Variants in CACNA1C observed in about 807,000 individuals in gnomAD.
CACNA1C encodes the protein voltage-dependent L-type calcium channel subunit alpha-1C.
Under a neutral mutation model 229.0 loss-of-function variants are expected in CACNA1C, and 30 were observed. The ratio of observed to expected loss-of-function variants is 0.13; its 90% CI spans 0.10 to 0.18. CACNA1C has a LOEUF of 0.18. Ranked by LOEUF, CACNA1C falls within the 10% of genes least tolerant of loss-of-function variation. The pLI, the probability that CACNA1C is intolerant of heterozygous loss-of-function variation, is 1.00. For missense variants in CACNA1C, 1,658 were observed against 2,845.0 expected (o/e 0.58, Z 9.49); for synonymous variants, 1,114 against 1,132.5 (o/e 0.98, Z 0.33).
At position 2,256,393 on chromosome 12, in the gene CACNA1C, G is replaced by A. The variant is rs559642773; in HGVS notation, c.477+135963G>A. Among the ~76,000 whole-genome samples, 36 of 152,286 alleles carry A rather than the reference G, an allele frequency of 2.4e-4. No homozygotes were observed. The East Asian group carries it at 6.9e-3, about 29-fold the overall frequency. On this transcript the variant is annotated intron_variant, in intron 3 of 46. Coordinates refer to ENST00000399655, the MANE Select transcript of CACNA1C (RefSeq NM_000719.7). ...AGTCTAGCCTGTGTCTACGTTGCTA[G>A]AAAAGCCCTTTTTCCCCTTATTCTG...
At chr12:2,604,522 A>G (rs759670941) in intron 22 of CACNA1C, among the ~76,000 whole-genome samples, 2 of 152,180 alleles carry the variant, frequency 1.3e-5, no homozygotes, top group Non-Finnish European at 2.9e-5. Context: ...TTAGTACGGC[A>G]TTCCTTTAAG....
chr12:2,640,668 T>C (rs780721503), intron 30 of CACNA1C, among the ~76,000 whole-genome samples: 4 of 152,172 alleles, frequency 2.6e-5, no homozygotes, highest in Non-Finnish European at 4.4e-5. Context: ...GATCAGCATG[T>C]CGGGATACTG....
At chr12:2,112,205 C>T (rs1382614598) in intron 1 of CACNA1C, among the ~76,000 whole-genome samples, 1 of 152,186 alleles carries the variant, frequency 6.6e-6, no homozygotes, top group Non-Finnish European at 1.5e-5. Flanking sequence ...TAAATGGAGA[C>T]ACGCATGCTT....
At chr12:2,213,781 G>A (rs1163797135) in intron 3 of CACNA1C, among the ~76,000 whole-genome samples, 6 of 152,240 alleles carry the variant, frequency 3.9e-5, no homozygotes, top group Non-Finnish European at 5.9e-5. Flanking sequence ...TTATGGCTCT[G>A]CTTACACATT....
intron 42 of CACNA1C, chr12:2,682,042 CA>C: frequency 6.3e-7 from 1 of 1,592,714 alleles, no homozygotes; most frequent in Non-Finnish European, 8.6e-7. Flanking sequence ...CTCAGGAGAG[CA>C]AACCCCTCTA....
At position 2,115,275 on chromosome 12, in the gene CACNA1C, C is replaced by T. The variant is rs551396698; in HGVS notation, c.101C>T (p.Ala34Val). The T allele has an allele frequency of 3.2e-5, 51 of 1,590,512 alleles. No individual in the cohort carries two copies. The South Asian group carries it at 4.1e-4, about 13-fold the overall frequency. Residue 34 changes from alanine (A) to valine (V), a missense_variant, in exon 2 of 47, where the codon GCG becomes GTG. Ala to Val is a moderately conservative substitution (Grantham distance 64). Transcript: ENST00000399655. Reference protein sequence around the residue: ...RPAHANMNANAAAGLAPEHIP... With the variant: ...RPAHANMNANVAAGLAPEHIP... ...GCCCATGCCAACATGAATGCCAATG[C>T]GGCAGCGGGGCTGGCCCCTGAGCAC...
At chr12:2,135,560 C>T (rs1375707086) in intron 3 of CACNA1C, among the ~76,000 whole-genome samples, 1 of 132,296 alleles carries the variant, frequency 7.6e-6, no homozygotes, top group Non-Finnish European at 1.5e-5. Context: ...GTTGGAGTAC[C>T]CTGCTGTGAG....
At position 2,688,714 on chromosome 12, in the gene CACNA1C, G is replaced by C; in HGVS notation, c.6052G>C (p.Val2018Leu). 6.2e-7 allele frequency: 1 copy of C among 1,607,328 alleles called. No individual in the cohort carries two copies. The highest frequency in any genetic ancestry group is 8.5e-7 in the Non-Finnish European group (1 of 1,176,592). ...GAGAGTCCGGCCCGTCTCCCTCATGGTGCCCAGCCAGGCTGGGGCCCCAGG... is the reference window on the plus strand; with the variant it reads ...GAGAGTCCGGCCCGTCTCCCTCATGCTGCCCAGCCAGGCTGGGGCCCCAGG... The part of the protein sequence containing the change: ...ARRVRPVSLM[V>L]PSQAGAPGRQ... The change falls in exon 46 of 47, where the codon GTG (valine) becomes CTG (leucine). Residue 2018 changes from valine (V) to leucine (L), a missense_variant. Around this residue, in one of 20 missense-constraint regions of CACNA1C, gnomAD observed 590 missense variants for 700.8 expected, o/e 0.84. Coordinates refer to ENST00000399655, the MANE Select transcript of CACNA1C (RefSeq NM_000719.7).
chr12:2,587,127 T>C (rs1181644579), intron 18 of CACNA1C, among the ~76,000 whole-genome samples: 1 of 152,228 alleles, frequency 6.6e-6, no homozygotes, highest in Non-Finnish European at 1.5e-5. Flanking sequence ...TAATATTTTG[T>C]AGTTCTGTTT....
At position 2,584,695 on chromosome 12, in the gene CACNA1C, G is replaced by A. The variant is rs1367397386; in HGVS notation, c.2339+78G>A. On this transcript the variant is annotated intron_variant, in intron 16 of 46. Transcript: ENST00000399655. Reference sequence around the variant, plus strand: ...TGTCTTCCCACTGGTGGCAGAGAGAGGCTTGACTGCTAGCCTCTGTTGGCT... The same window carrying A: ...TGTCTTCCCACTGGTGGCAGAGAGAAGCTTGACTGCTAGCCTCTGTTGGCT... 6 of 974,546 alleles carry A rather than the reference G, an allele frequency of 6.2e-6. No individual in the cohort carries two copies. In the East Asian group the frequency reaches 9.6e-5, roughly 16 times the overall value. 60.4% of individuals were successfully genotyped at this position (974,546 alleles called of 1,614,324 possible).
chr12:2,453,755 C>T (rs1567777070), intron 4 of CACNA1C, among the ~76,000 whole-genome samples: 3 of 152,140 alleles, frequency 2.0e-5, no homozygotes, highest in Non-Finnish European at 4.4e-5. Context: ...CTGTAAGGGC[C>T]GGATGCTGGT....
chr12:2,455,381 A>G (rs1399654667), intron 4 of CACNA1C, among the ~76,000 whole-genome samples: 2 of 152,230 alleles, frequency 1.3e-5, no homozygotes, highest in African/African-American at 2.4e-5. Flanking sequence ...TATTTCAAAG[A>G]TTTAGTACAA....
intron 22 of CACNA1C, among the ~76,000 whole-genome samples, chr12:2,604,877 C>G (rs1462620715): frequency 6.6e-6 from 1 of 152,200 alleles, no homozygotes; most frequent in Admixed American, 6.5e-5. Flanking sequence ...AGGAAAGCCC[C>G]AGGGTTACAG....
At chr12:2,245,104 C>T (rs2072499495) in intron 3 of CACNA1C, among the ~76,000 whole-genome samples, 1 of 152,216 alleles carries the variant, frequency 6.6e-6, no homozygotes, top group Non-Finnish European at 1.5e-5. Flanking sequence ...AAGACAGAAA[C>T]AGCATGGCCA....
chr12:2,074,671 G>A (rs771953322), intron 1 of CACNA1C, among the ~76,000 whole-genome samples: 74 of 152,136 alleles, frequency 4.9e-4, no homozygotes, highest in Non-Finnish European at 7.6e-4. Context: ...TGAAGATGTT[G>A]CCCTTTCCGC....
intron 1 of CACNA1C, among the ~76,000 whole-genome samples, chr12:2,107,186 A>AAGCCACTGGTTGCCCACCCCGGG (rs2079338388): frequency 1.7e-5 from 2 of 116,560 alleles, no homozygotes; most frequent in African/African-American, 6.5e-5. Context: ...CTCACCCTGG[A>AAGCCACTGGTTGCCCACCCCGGG]GAGGGTTTCC....
chr12:2,512,959 C>A lies in CACNA1C; in HGVS notation c.1365C>A (p.Gly455=). ...EDIDPENEDE[G]MDEEKPRNMS... ...TCGATCCTGAGAATGAGGACGAAGG[C>A]ATGGATGAGGAGAAGCCCCGAAACA... Residue 455 remains glycine (G), a synonymous_variant, in exon 9 of 47, where the codon GGC becomes GGA. Coordinates refer to ENST00000399655, the MANE Select transcript of CACNA1C (RefSeq NM_000719.7). This position sits in a 1 kb window ranked among gnomAD's most constrained non-coding sequence, Gnocchi z 4.3. 2 of 1,607,666 alleles carry A rather than the reference C, an allele frequency of 1.2e-6. No individual in the cohort carries two copies. Among genetic ancestry groups the A allele is most frequent in the Non-Finnish European group, 1.7e-6 (2 of 1,177,064 alleles).
chr12:2,188,020 C>G (rs2097098044), intron 3 of CACNA1C, among the ~76,000 whole-genome samples: 1 of 152,210 alleles, frequency 6.6e-6, no homozygotes, highest in South Asian at 2.1e-4. Context: ...GAGAAGCAGA[C>G]ACCCAGCAGC....
At chr12:2,433,550 C>T (rs1596120131) in intron 3 of CACNA1C, among the ~76,000 whole-genome samples, 1 of 152,332 alleles carries the variant, frequency 6.6e-6, no homozygotes, top group East Asian at 1.9e-4. Flanking sequence ...TACTTCTTTG[C>T]TTTCTTCTCA....
Sources: allele counts gnomAD v4.1 joint callset (sites outside exome capture counted in the v4.1 genomes callset), GRCh38; gene constraint gnomAD v4.1.1; regional missense constraint gnomAD v4.1.1; non-coding constraint Gnocchi (gnomAD v3.1); transcripts MANE v1.5; gene names NCBI Gene and HGNC (gene_info 2026-07-23, HGNC 2026-07-21).